The following SFMBT2 variants were observed in gnomAD, a reference collection of about 807,000 sequenced individuals.
The protein encoded by SFMBT2 is Scm like with four mbt domains 2.
In SFMBT2, 38 loss-of-function variants were observed where a neutral mutation model predicts 110.1. The ratio of observed to expected loss-of-function variants is 0.35; its 90% CI spans 0.27 to 0.45. The LOEUF (loss-of-function observed/expected upper bound fraction) is 0.45. Ranked by LOEUF, SFMBT2 falls within the 20% of genes least tolerant of loss-of-function variation. The probability of loss-of-function intolerance (pLI) is 1.00; values close to 1 mark genes in which losing one functional copy is unlikely to be tolerated. For missense variants in SFMBT2, 1,011 were observed against 1,094.9 expected, an observed-to-expected ratio of 0.92 and a Z score of 1.08; for synonymous variants, 425 against 425.4, an observed-to-expected ratio of 1.00 and a Z score of 0.01.
chr10:7,188,701 C>A lies in SFMBT2; in HGVS notation c.1731G>T (p.Lys577Asn). 6.2e-7 allele frequency: 1 copy of A among 1,613,498 alleles called. No individual in the cohort carries two copies. The highest frequency in any genetic ancestry group is 8.5e-7 in the Non-Finnish European group (1 of 1,179,666). Residue 577 changes from lysine (K) to asparagine (N), a missense_variant, in exon 16 of 21, where the codon AAG (lysine) becomes AAT (asparagine). This residue lies in a region of SFMBT2 where 979 missense variants were observed against 1,016.1 expected (regional missense o/e 0.96). Transcript: ENST00000397167. ...VLSMIINAAY[K>N]PGRVLRELQL... is the part of the protein sequence containing the mutation. ...GTAATTCTCTTAATACCCTTCCAGG[C>A]TTGTAGGCTGCGTTGATTATCATGC...
At chr10:7,225,052 T>C (rs1326237010) in intron 10 of SFMBT2, among the ~76,000 whole-genome samples, 2 of 152,230 alleles carry the variant, frequency 1.3e-5, no homozygotes, top group Non-Finnish European at 2.9e-5. Context: ...GGTGGGCTAT[T>C]TGTTTCTGCA....
chr10:7,370,496 G>A, intron 2 of SFMBT2, 121 bp from the exon 3 acceptor site: 1 of 822,566 alleles, frequency 1.2e-6, no homozygotes, highest in Admixed American at 2.4e-5. Flanking sequence ...AGTTCAGAAG[G>A]ATATTGCTGA....
intron 11 of SFMBT2, chr10:7,215,868 T>C (rs1449685952): frequency 6.6e-6 from 2 of 301,526 alleles, no homozygotes; most frequent in African/African-American, 4.5e-5. Context: ...CCCATGGGAT[T>C]GTCTGTTCAT....
intron 11 of SFMBT2, among the ~76,000 whole-genome samples, chr10:7,207,220 G>T (rs113032098): frequency 7.0e-4 from 106 of 151,950 alleles, no homozygotes; most frequent in African/African-American, 2.5e-3. Context: ...TTAGCCTGGC[G>T]TGGTAGCAGG....
In SFMBT2 at chr10:7,200,470, A is replaced by G. The variant is rs1475498621; in HGVS notation, c.1502T>C (p.Val501Ala). 6.9e-6 allele frequency: 11 copies of G among 1,600,948 alleles called. 1 individual carries two copies. Among genetic ancestry groups the G allele is most frequent in the Non-Finnish European group, 9.4e-6 (11 of 1,173,268 alleles). Residue 501 changes from valine (V) to alanine (A), a missense_variant, in exon 14 of 21, where the codon GTG becomes GCG. Around this residue, in one of 2 missense-constraint regions of SFMBT2, gnomAD observed 979 missense variants for 1,016.1 expected, o/e 0.96. Transcript: ENST00000397167. ...VQPEKQLPPT[V>A]PVKKIPHDLC... The stretch of plus-strand genomic sequence containing the variant: ...GTCATGAGGTATTTTCTTAACAGGC[A>G]CTGTGGGCGGCAATCTGTCAACAGA...
intron 11 of SFMBT2, among the ~76,000 whole-genome samples, chr10:7,215,124 G>A (rs898595054): frequency 1.3e-5 from 2 of 152,226 alleles, no homozygotes; most frequent in African/African-American, 4.8e-5. Flanking sequence ...AAACAGGCTG[G>A]GCGTGGTGGT....
intron 17 of SFMBT2, among the ~76,000 whole-genome samples, chr10:7,175,035 A>G (rs992834040): frequency 1.3e-5 from 2 of 152,264 alleles, no homozygotes; most frequent in African/African-American, 4.8e-5. Flanking sequence ...TTTCCAGTAC[A>G]TTCAGATTCC....
At chr10:7,266,676 T>C (rs1392829670) in intron 7 of SFMBT2, among the ~76,000 whole-genome samples, 8 of 152,198 alleles carry the variant, frequency 5.3e-5, no homozygotes, top group Non-Finnish European at 8.8e-5. Context: ...AGAAGCCCTC[T>C]GGCTGCAGTC....
At chr10:7,258,801 G>A (rs1465785910) in intron 7 of SFMBT2, among the ~76,000 whole-genome samples, 2 of 152,126 alleles carry the variant, frequency 1.3e-5, no homozygotes, top group Non-Finnish European at 2.9e-5. Context: ...ATATTAGGAG[G>A]CCAGCATTTA....
chr10:7,350,647 G>C (rs1429842090), intron 4 of SFMBT2, among the ~76,000 whole-genome samples: 1 of 152,146 alleles, frequency 6.6e-6, no homozygotes, highest in Non-Finnish European at 1.5e-5. Context: ...TTAACAAGCT[G>C]GAATAAAGAC....
intron 4 of SFMBT2, among the ~76,000 whole-genome samples, chr10:7,366,164 T>G (rs561055058): frequency 6.6e-6 from 1 of 152,148 alleles, no homozygotes; most frequent in Non-Finnish European, 1.5e-5. Flanking sequence ...AAGGAGGTTC[T>G]CAGCATAGGA....
At chr10:7,182,268 C>A (rs1304904978) in intron 16 of SFMBT2, among the ~76,000 whole-genome samples, 1 of 152,168 alleles carries the variant, frequency 6.6e-6, no homozygotes, top group Non-Finnish European at 1.5e-5. Context: ...AAACTTCTGA[C>A]CTCAGGTGAT....
At chr10:7,334,921 G>A (rs574112728) in intron 4 of SFMBT2, among the ~76,000 whole-genome samples, 72 of 152,174 alleles carry the variant, frequency 4.7e-4, no homozygotes, top group Non-Finnish European at 9.3e-4. Context: ...AATGATCACA[G>A]AAATTAACAC....
At position 7,259,040 on chromosome 10, in the gene SFMBT2, T is replaced by A. The variant is rs138881708; in HGVS notation, c.871-10391A>T. Among the ~76,000 whole-genome samples the A allele has an allele frequency of 4.3e-3, 650 of 152,290 alleles. 6 individuals carry two copies. The highest frequency in any genetic ancestry group is 0.014 in the African/African-American group (594 of 41,550). On this transcript the variant is annotated intron_variant, in intron 7 of 20. Transcript: ENST00000397167. ...GACCGTAGTATCATAGATCACAACC[T>A]GAACCACACAATTTACAACAGGCAG...
At chr10:7,389,001 C>A (rs1252046246) in intron 1 of SFMBT2, among the ~76,000 whole-genome samples, 2 of 152,074 alleles carry the variant, frequency 1.3e-5, no homozygotes, top group Admixed American at 6.6e-5. Flanking sequence ...GGGAACAGGT[C>A]CAAGAAGTAT....
At chr10:7,326,165 T>C (rs1843378783) in intron 4 of SFMBT2, among the ~76,000 whole-genome samples, 2 of 152,258 alleles carry the variant, frequency 1.3e-5, no homozygotes, top group Non-Finnish European at 2.9e-5. Flanking sequence ...GCCATCTTCA[T>C]TGGACTTACC....
chr10:7,398,870 C>T (rs1294962084), intron 1 of SFMBT2, among the ~76,000 whole-genome samples: 1 of 152,144 alleles, frequency 6.6e-6, no homozygotes, highest in Non-Finnish European at 1.5e-5. Flanking sequence ...GTTGTCCATA[C>T]CGCCATGAGA....
At chr10:7,297,682 TA>T (rs1390201008) in intron 4 of SFMBT2, among the ~76,000 whole-genome samples, 6 of 152,196 alleles carry the variant, frequency 3.9e-5, no homozygotes, top group Non-Finnish European at 8.8e-5. Context: ...TGCTACATTT[TA>T]AAATTTTGAA....
In SFMBT2 at chr10:7,313,853, A is replaced by G. The variant is rs552940506; in HGVS notation, c.437-27899T>C. 5.3e-5 allele frequency among the ~76,000 whole-genome samples: 8 copies of G among 152,318 alleles called. No homozygotes were observed. The South Asian group carries it at 1.7e-3, about 32-fold the overall frequency. On this transcript the variant is annotated intron_variant, in intron 4 of 20. Transcript: ENST00000397167. ...TGTTTGGCAAGACACCACTTTTCTC[A>G]TCTAAATTTCTAATGTAAAATACCT...
Sources: allele counts gnomAD v4.1 joint callset (sites outside exome capture counted in the v4.1 genomes callset), GRCh38; gene constraint gnomAD v4.1.1; regional missense constraint gnomAD v4.1.1; transcripts MANE v1.5; gene names NCBI Gene and HGNC (gene_info 2026-07-23, HGNC 2026-07-21).